Variants in MGMT observed in about 807,000 individuals in gnomAD.
MGMT encodes O-6-methylguanine-DNA methyltransferase, also known as methylated-DNA--protein-cysteine methyltransferase.
MGMT carries 14 observed loss-of-function variants against 15.9 expected under a neutral mutation model. That is an observed-to-expected ratio of 0.88 (90% CI 0.58 to 1.37). MGMT has a LOEUF of 1.37. Among genes scored for constraint, MGMT ranks in the 40% most tolerant of loss-of-function variants. The probability of loss-of-function intolerance (pLI) is 0.00; values close to 1 mark genes in which losing one functional copy is unlikely to be tolerated. For synonymous variants in MGMT, 130 were observed against 118.2 expected, an observed-to-expected ratio of 1.10 and a Z score of -0.65; for missense variants, 282 against 268.1, an observed-to-expected ratio of 1.05 and a Z score of -0.36.
chr10:129,627,673 G>T (rs1285263334), intron 2 of MGMT, among the ~76,000 whole-genome samples: 1 of 152,166 alleles, frequency 6.6e-6, no homozygotes, highest in Non-Finnish European at 1.5e-5. Context: ...CCTCATGTTA[G>T]CCTTTTTCCA....
intron 1 of MGMT, among the ~76,000 whole-genome samples, chr10:129,522,551 A>G (rs1845825504): frequency 6.6e-6 from 1 of 152,348 alleles, no homozygotes; most frequent in East Asian, 1.9e-4. Context: ...GGTGAATCCC[A>G]GTGTTGACTG....
At chr10:129,558,940 G>A (rs547153553) in intron 2 of MGMT, among the ~76,000 whole-genome samples, 3 of 152,196 alleles carry the variant, frequency 2.0e-5, no homozygotes, top group Non-Finnish European at 4.4e-5. Flanking sequence ...TGGGGGCGGC[G>A]TGTGCTCTCA....
intron 3 of MGMT, among the ~76,000 whole-genome samples, chr10:129,742,705 T>C (rs1430627986): frequency 7.9e-3 from 466 of 59,182 alleles, no homozygotes; most frequent in Middle Eastern, 0.014. Flanking sequence ...TCCTCAGGGC[T>C]GGGGCGTTCA....
chr10:129,497,676 C>T (rs961873675), intron 1 of MGMT, among the ~76,000 whole-genome samples: 3 of 152,154 alleles, frequency 2.0e-5, no homozygotes, highest in African/African-American at 7.2e-5. Flanking sequence ...ATTTATGCTT[C>T]CTCCAAATTC....
At chr10:129,620,659 A>G (rs953271474) in intron 2 of MGMT, among the ~76,000 whole-genome samples, 2 of 152,146 alleles carry the variant, frequency 1.3e-5, no homozygotes, top group Non-Finnish European at 2.9e-5. Flanking sequence ...TGATTTGCCT[A>G]TGCATGTGTT....
chr10:129,702,421 C>A (rs920440220), intron 2 of MGMT, among the ~76,000 whole-genome samples: 1 of 152,172 alleles, frequency 6.6e-6, no homozygotes, highest in East Asian at 1.9e-4. Context: ...ATATTTGCCT[C>A]GGGATTATTC....
chr10:129,628,426 C>T (rs146735073), intron 2 of MGMT, among the ~76,000 whole-genome samples: 11 of 152,140 alleles, frequency 7.2e-5, no homozygotes, highest in African/African-American at 2.7e-4. Context: ...GCTGGTGGAT[C>T]GCTCGGTCGC....
Position 129,746,731 on chromosome 10 carries a change from A to C in MGMT, c.275-12471A>C, listed in dbSNP as rs560669610. Reference sequence around the variant, plus strand: ...GTATTTATCCCTTTGCAAATACATAATTATTATTATGTATAGTAAGTCTTG... The same window carrying C: ...GTATTTATCCCTTTGCAAATACATACTTATTATTATGTATAGTAAGTCTTG... On this transcript the variant is annotated intron_variant, in intron 3 of 4. Coordinates refer to ENST00000651593, the MANE Select transcript of MGMT (RefSeq NM_002412.5). Among the ~76,000 whole-genome samples the C allele has an allele frequency of 9.9e-5, 15 of 152,276 alleles. No individual in the cohort carries two copies. In the East Asian group the frequency reaches 2.9e-3, roughly 29 times the overall value.
At chr10:129,519,126 C>T (rs7070347) in intron 1 of MGMT, among the ~76,000 whole-genome samples, 45,148 of 152,064 alleles carry the variant, frequency 0.3, 8,028 homozygotes, top group African/African-American at 0.51. Flanking sequence ...AATTAAGACT[C>T]GGAGACTACC....
At chr10:129,613,095 T>C (rs1327955187) in intron 2 of MGMT, among the ~76,000 whole-genome samples, 1 of 152,208 alleles carries the variant, frequency 6.6e-6, no homozygotes, top group Non-Finnish European at 1.5e-5. Flanking sequence ...GAAGCCATGC[T>C]CCAAGCTGTA....
At chr10:129,593,698 C>T (rs976982306) in intron 2 of MGMT, among the ~76,000 whole-genome samples, 1 of 152,188 alleles carries the variant, frequency 6.6e-6, no homozygotes, top group Non-Finnish European at 1.5e-5. Flanking sequence ...CTTAAAGCAG[C>T]TTTCGGGCAT....
At chr10:129,609,855 A>G (rs1361657370) in intron 2 of MGMT, among the ~76,000 whole-genome samples, 2 of 152,168 alleles carry the variant, frequency 1.3e-5, no homozygotes, top group Admixed American at 1.3e-4. Context: ...GCAGGCGGCA[A>G]TGGTGGAGGC....
chr10:129,646,719 A>AATATATAT lies in MGMT; in HGVS notation c.126-61147_126-61140dup, dbSNP rs10543851. ...TTCCAGAAGCCTGCTGCCCATCAGAAATATATATATATATATATATATATA... is the reference window on the plus strand; with the variant it reads ...TTCCAGAAGCCTGCTGCCCATCAGAAATATATATATATATATATATATATATATATATA... On this transcript the variant is annotated intron_variant, in intron 2 of 4. Transcript: ENST00000651593. Among the ~76,000 whole-genome samples the AATATATAT allele has an allele frequency of 7.1e-3, 581 of 81,510 alleles. 16 individuals are homozygous for AATATATAT. Among genetic ancestry groups the AATATATAT allele is most frequent in the African/African-American group, 0.012 (250 of 21,024 alleles). The allele number at this position is 81,510 out of a possible 152,430, so 53.5% of individuals were successfully genotyped here.
chr10:129,626,115 A>G (rs1847145972), intron 2 of MGMT, among the ~76,000 whole-genome samples: 1 of 152,144 alleles, frequency 6.6e-6, no homozygotes, highest in African/African-American at 2.4e-5. Flanking sequence ...ACTGTTACTT[A>G]TGGACAGGTG....
chr10:129,623,885 A>G (rs1847117049), intron 2 of MGMT, among the ~76,000 whole-genome samples: 1 of 152,132 alleles, frequency 6.6e-6, no homozygotes, highest in African/African-American at 2.4e-5. Context: ...TAGACCCCAC[A>G]CCCTCTTCCT....
chr10:129,709,501 C>G (rs1848206869), intron 3 of MGMT, among the ~76,000 whole-genome samples: 1 of 152,160 alleles, frequency 6.6e-6, no homozygotes, highest in Non-Finnish European at 1.5e-5. Context: ...GGGGGTTCGC[C>G]TGCCAGGAGG....
chr10:129,657,674 AACACACACACACACAC>A (rs60284981), intron 2 of MGMT, among the ~76,000 whole-genome samples: 2 of 93,458 alleles, frequency 2.1e-5, no homozygotes, highest in African/African-American at 3.6e-5. Flanking sequence ...CAGCTCCTCC[AACACACACACACACAC>A]ACACACACAC....
intron 1 of MGMT, among the ~76,000 whole-genome samples, chr10:129,525,634 G>A (rs1449057761): frequency 1.3e-5 from 2 of 152,048 alleles, no homozygotes; most frequent in Non-Finnish European, 2.9e-5. Flanking sequence ...GTGCGGGGCC[G>A]GCTCCGATGA....
chr10:129,598,318 C>G (rs756447668), intron 2 of MGMT, among the ~76,000 whole-genome samples: 6 of 152,176 alleles, frequency 3.9e-5, no homozygotes, highest in Non-Finnish European at 8.8e-5. Flanking sequence ...GAACCGTGGG[C>G]AAGTCTCTTG....
Sources: gnomAD v4.1 joint callset for allele counts (sites outside exome capture counted in the v4.1 genomes callset) on GRCh38, gnomAD v4.1.1 for gene constraint, MANE v1.5 for transcripts, NCBI Gene and HGNC (gene_info 2026-07-23, HGNC 2026-07-21) for gene names.